Variants in DLGAP2 observed in about 807,000 individuals in gnomAD.
DLGAP2 encodes the protein DLG associated protein 2.
In DLGAP2, 26 loss-of-function variants were observed where a neutral mutation model predicts 100.3. That is an observed-to-expected ratio of 0.26 (90% CI 0.19 to 0.36). The LOEUF is 0.36. Ranked by LOEUF, DLGAP2 falls within the 10% of genes least tolerant of loss-of-function variation. DLGAP2 has a pLI of 1.00. For missense variants in DLGAP2, 1,858 were observed against 1,453.2 expected (o/e 1.28, Z -4.53); for synonymous variants, 886 against 630.1 (o/e 1.41, Z -6.08).
chr8:1,218,909 G>A (rs949615706), intron 2 of DLGAP2, among the ~76,000 whole-genome samples: 10 of 152,036 alleles, frequency 6.6e-5, no homozygotes, highest in African/African-American at 2.2e-4. Context: ...GTTGTGGTCT[G>A]GATTGGGTTC....
Position 1,548,741 on chromosome 8 carries a change from G to T in DLGAP2, c.288G>T (p.Gly96=). ...GGACCCAGCCGCCGCTGTGTTCCGGGCACACGTGTGGTCTGGCGCCCCCGG... is the reference window on the plus strand; with the variant it reads ...GGACCCAGCCGCCGCTGTGTTCCGGTCACACGTGTGGTCTGGCGCCCCCGG... ...GSRTQPPLCS[G]HTCGLAPPED... Residue 96 remains glycine (G), a synonymous_variant, in exon 5 of 15, where the codon GGG becomes GGT. Coordinates refer to ENST00000637795, the MANE Select transcript of DLGAP2 (RefSeq NM_001346810.2). 6.2e-7 allele frequency: 1 copy of T among 1,606,034 alleles called. No homozygotes were observed.
At chr8:1,485,170 C>A (rs933052061) in intron 3 of DLGAP2, among the ~76,000 whole-genome samples, 5 of 152,188 alleles carry the variant, frequency 3.3e-5, no homozygotes, top group Non-Finnish European at 7.3e-5. Context: ...CTGTCATTTT[C>A]CATAAAATTA....
chr8:892,939 C>T (rs1372772785), intron 1 of DLGAP2: 2 of 152,140 alleles, frequency 1.3e-5, no homozygotes, highest in East Asian at 3.9e-4. Flanking sequence ...AATCCCGTGC[C>T]TCCTGGTCTG....
intron 3 of DLGAP2, among the ~76,000 whole-genome samples, chr8:1,343,728 C>G (rs977144256): frequency 6.6e-5 from 10 of 151,776 alleles, no homozygotes; most frequent in African/African-American, 1.2e-4. Context: ...GTTAGAGGCT[C>G]CGATGTGCAC....
chr8:1,520,264 G>T (rs1800546611), intron 4 of DLGAP2, among the ~76,000 whole-genome samples: 1 of 152,200 alleles, frequency 6.6e-6, no homozygotes, highest in African/African-American at 2.4e-5. Context: ...ACAGAGGGAA[G>T]AAGATGGGAA....
At position 737,770 on chromosome 8, in the gene DLGAP2, A is replaced by C; in HGVS notation, c.-38A>C. The C allele has an allele frequency of 2.7e-6, 1 of 377,228 alleles. No individual in the cohort carries two copies. The highest frequency in any genetic ancestry group is 2.1e-5 in the African/African-American group (1 of 47,616). 23.4% of individuals were successfully genotyped at this position (377,228 alleles called of 1,614,324 possible). On this transcript the variant is annotated 5_prime_UTR_variant, in exon 1 of 15. It removes an upstream start codon present in the reference 5' UTR. Transcript: ENST00000637795. ...CGGTCTGAGGAGGGGCCGCTTCGCCATGTCGCCCCGCACCTGCTGAGCCCG... is the reference window on the plus strand; with the variant it reads ...CGGTCTGAGGAGGGGCCGCTTCGCCCTGTCGCCCCGCACCTGCTGAGCCCG...
chr8:1,099,417 C>T (rs1804506163), intron 2 of DLGAP2, among the ~76,000 whole-genome samples: 1 of 152,186 alleles, frequency 6.6e-6, no homozygotes, highest in African/African-American at 2.4e-5. Context: ...CAACAAATTA[C>T]CGAGTGTCTG....
chr8:1,573,531 G>A (rs1802836919), intron 6 of DLGAP2, among the ~76,000 whole-genome samples: 1 of 152,058 alleles, frequency 6.6e-6, no homozygotes, highest in Admixed American at 6.5e-5. Flanking sequence ...GCCATCCGTG[G>A]GTTTCACAGC....
intron 1 of DLGAP2, among the ~76,000 whole-genome samples, chr8:830,871 C>T (rs1796768717): frequency 6.7e-6 from 1 of 148,528 alleles, no homozygotes; most frequent in African/African-American, 2.5e-5. Flanking sequence ...GCCAACAAAC[C>T]CTATGTAAAC....
intron 2 of DLGAP2, among the ~76,000 whole-genome samples, chr8:977,349 C>T (rs1800191571): frequency 6.6e-6 from 1 of 152,216 alleles, no homozygotes; most frequent in East Asian, 1.9e-4. Context: ...GGACACATGC[C>T]TTTGGTCAGG....
At chr8:1,197,254 C>A (rs1410198308) in intron 2 of DLGAP2, among the ~76,000 whole-genome samples, 1 of 152,156 alleles carries the variant, frequency 6.6e-6, no homozygotes, top group Non-Finnish European at 1.5e-5. Flanking sequence ...CACAGACACA[C>A]CCGGAAGTCA....
intron 8 of DLGAP2, among the ~76,000 whole-genome samples, chr8:1,662,942 G>GTGTGTGTACACA (rs1277699208): frequency 6.7e-6 from 1 of 149,022 alleles, no homozygotes; most frequent in Non-Finnish European, 1.5e-5. Flanking sequence ...TGTGGGGTGT[G>GTGTGTGTACACA]TGTGTGTACA....
At chr8:1,661,681 C>G (rs945631044) in intron 8 of DLGAP2, among the ~76,000 whole-genome samples, 1 of 152,162 alleles carries the variant, frequency 6.6e-6, no homozygotes, top group Non-Finnish European at 1.5e-5. Flanking sequence ...TGTCTAGATG[C>G]AGTGATCTGG....
chr8:1,117,068 G>A (rs747429717), intron 2 of DLGAP2, among the ~76,000 whole-genome samples: 4 of 152,206 alleles, frequency 2.6e-5, no homozygotes, highest in Non-Finnish European at 5.9e-5. Context: ...AGCTTTATGG[G>A]TTTTTAAAAT....
At chr8:1,409,832 C>T (rs767531802) in intron 3 of DLGAP2, among the ~76,000 whole-genome samples, 1 of 152,200 alleles carries the variant, frequency 6.6e-6, no homozygotes, top group Non-Finnish European at 1.5e-5. Flanking sequence ...CCTTCAGGCT[C>T]TGAGGCTTTC....
chr8:1,459,364 A>G lies in DLGAP2; in HGVS notation c.107-42002A>G, dbSNP rs566513033. ...ATGCATAGGCCCCAGGGGTCACCCT[A>G]TTCTGCTGAGCATGTTAATATTTTA... On this transcript the variant is annotated intron_variant, in intron 3 of 14. Transcript: ENST00000637795. Among the ~76,000 whole-genome samples the G allele has an allele frequency of 5.2e-5, 8 of 152,390 alleles. No individual in the cohort carries two copies. In the South Asian group the frequency reaches 1.2e-3, roughly 24 times the overall value.
At chr8:1,285,777 T>C (rs1799909351) in intron 3 of DLGAP2, among the ~76,000 whole-genome samples, 1 of 152,172 alleles carries the variant, frequency 6.6e-6, no homozygotes, top group Admixed American at 6.5e-5. Context: ...AAGACCAGGC[T>C]GGGCAACATA....
At chr8:1,041,084 T>G (rs1166841347) in intron 2 of DLGAP2, among the ~76,000 whole-genome samples, 1 of 152,200 alleles carries the variant, frequency 6.6e-6, no homozygotes, top group African/African-American at 2.4e-5. Flanking sequence ...CAGACTGCTC[T>G]CCTCTTTCCT....
chr8:1,469,792 C>A lies in DLGAP2; in HGVS notation c.107-31574C>A, dbSNP rs78179547. Among the ~76,000 whole-genome samples the A allele has an allele frequency of 5.3e-3, 811 of 152,200 alleles. 9 individuals carry two copies. The highest frequency in any genetic ancestry group is 0.018 in the African/African-American group (757 of 41,488). ...AAGTGCTGCCATTGTTTGAGAGGAA[C>A]CAACTTTAAAAGTCCATGTATGACC... On this transcript the variant is annotated intron_variant, in intron 3 of 14. Transcript: ENST00000637795.
Sources: gnomAD v4.1 joint callset for allele counts (sites outside exome capture counted in the v4.1 genomes callset) on GRCh38, gnomAD v4.1.1 for gene constraint, MANE v1.5 for transcripts, NCBI Gene and HGNC (gene_info 2026-07-23, HGNC 2026-07-21) for gene names.